MACROD2: variants seen among roughly 807,000 people sequenced by gnomAD.
The protein encoded by MACROD2 is mono-ADP ribosylhydrolase 2.
A neutral mutation model predicts 70.4 loss-of-function variants in MACROD2; 36 were observed. The observed-to-expected ratio is 0.51, with a 90% CI of 0.39 to 0.68. MACROD2 has a LOEUF of 0.68. Ranked by LOEUF, MACROD2 falls within the 30% of genes least tolerant of loss-of-function variation. MACROD2 has a pLI of 0.00. For missense variants in MACROD2, 496 were observed against 538.4 expected (o/e 0.92, Z 0.78); for synonymous variants, 172 against 178.8 (o/e 0.96, Z 0.30).
intron 3 of MACROD2, among the ~76,000 whole-genome samples, chr20:14,296,665 G>T (rs977487389): frequency 6.6e-6 from 1 of 151,936 alleles, no homozygotes; most frequent in African/African-American, 2.4e-5. Context: ...AATAATTACC[G>T]TAAAAATGGG....
At chr20:15,506,697 A>C (rs1364739796) in intron 8 of MACROD2, among the ~76,000 whole-genome samples, 7 of 152,230 alleles carry the variant, frequency 4.6e-5, no homozygotes, top group Non-Finnish European at 2.9e-5. Context: ...GCTTACATTT[A>C]TGATGGGAAA....
At chr20:15,418,470 A>T (rs912061288) in intron 6 of MACROD2, among the ~76,000 whole-genome samples, 2 of 152,130 alleles carry the variant, frequency 1.3e-5, no homozygotes, top group African/African-American at 4.8e-5. Flanking sequence ...GTTCTTTGGA[A>T]CCTCACCACT....
chr20:14,257,553 T>C (rs1009051431), intron 3 of MACROD2, among the ~76,000 whole-genome samples: 2 of 152,152 alleles, frequency 1.3e-5, no homozygotes, highest in African/African-American at 2.4e-5. Context: ...CTTTTAAACA[T>C]AATACTTATT....
intron 5 of MACROD2, among the ~76,000 whole-genome samples, chr20:15,072,600 A>G (rs1046471041): frequency 6.6e-6 from 1 of 152,130 alleles, no homozygotes; most frequent in African/African-American, 2.4e-5. Flanking sequence ...TTATTGTCCT[A>G]TTATTTCTTT....
At chr20:14,786,238 A>AGAGAGAGAGAGAGAGAGAC (rs1393037483) in intron 5 of MACROD2, among the ~76,000 whole-genome samples, 1 of 72,340 alleles carries the variant, frequency 1.4e-5, no homozygotes, top group Non-Finnish European at 3.2e-5. Context: ...GAGAGAGAGA[A>AGAGAGAGAGAGAGAGAGAC]TATGAGGGAA....
intron 7 of MACROD2, among the ~76,000 whole-genome samples, chr20:15,471,415 C>A (rs928939135): frequency 8.5e-5 from 13 of 152,208 alleles, no homozygotes; most frequent in African/African-American, 1.2e-4. Flanking sequence ...GATATGATTG[C>A]ATATATTCAA....
intron 5 of MACROD2, among the ~76,000 whole-genome samples, chr20:14,946,494 A>G (rs1210220084): frequency 1.3e-5 from 2 of 152,148 alleles, no homozygotes; most frequent in Admixed American, 1.3e-4. Flanking sequence ...AAGTAAATAT[A>G]GATATATATG....
chr20:15,658,693 G>T (rs1313914923), intron 8 of MACROD2, among the ~76,000 whole-genome samples: 4 of 152,190 alleles, frequency 2.6e-5, no homozygotes, highest in Non-Finnish European at 5.9e-5. Context: ...TACATGATCT[G>T]ATTTCCAAAG....
rs191343780 is a variant in MACROD2 at position 15,771,239 on chromosome 20, A to G, written c.646-91506A>G. On this transcript the variant is annotated intron_variant, in intron 8 of 17. Transcript: ENST00000684519. Reference sequence around the variant, plus strand: ...ACCCAGGCTGGTGTACAGTGGCACAATCATAGCTCACTGTAGCCTTTACTT... The same window carrying G: ...ACCCAGGCTGGTGTACAGTGGCACAGTCATAGCTCACTGTAGCCTTTACTT... Among the ~76,000 whole-genome samples, 34 of 152,178 alleles carry G rather than the reference A, an allele frequency of 2.2e-4. No homozygotes were observed. The East Asian group carries it at 6.4e-3, about 29-fold the overall frequency.
chr20:14,469,165 T>A (rs770425539), intron 3 of MACROD2, among the ~76,000 whole-genome samples: 17 of 152,270 alleles, frequency 1.1e-4, no homozygotes, highest in Middle Eastern at 3.4e-3. Flanking sequence ...TGTAAAGGAT[T>A]TTTTTTCTCC....
chr20:15,987,097 TGTG>T lies in MACROD2; in HGVS notation c.1094_1096del (p.Val365del), dbSNP rs1198816034. ...CATCAAACCAAGAAGATGCCGTGAT[TGTG>T]GAGCAACCAGAAGTGATTCCATTAA... On this transcript the variant is annotated inframe_deletion, in exon 15 of 18. Transcript: ENST00000684519. The T allele has an allele frequency of 1.7e-5, 27 of 1,611,838 alleles. No homozygotes were observed. The highest frequency in any genetic ancestry group is 2.2e-5 in the Non-Finnish European group (26 of 1,179,570).
At chr20:14,035,917 C>T (rs1293649276) in intron 2 of MACROD2, among the ~76,000 whole-genome samples, 4 of 152,178 alleles carry the variant, frequency 2.6e-5, no homozygotes, top group African/African-American at 4.8e-5. Context: ...CCAAGGCGGG[C>T]GGATCACGAG....
intron 5 of MACROD2, among the ~76,000 whole-genome samples, chr20:15,121,382 G>A (rs2076029090): frequency 6.6e-6 from 1 of 151,894 alleles, no homozygotes; most frequent in Non-Finnish European, 1.5e-5. Context: ...GCATGGTGAT[G>A]GATACCTGTA....
chr20:15,241,733 A>G, intron 6 of MACROD2, among the ~76,000 whole-genome samples: 1 of 151,144 alleles, frequency 6.6e-6, no homozygotes. Flanking sequence ...TTTTCAATGT[A>G]AAAAAATAGA....
chr20:15,421,578 C>A (rs2046229020), intron 6 of MACROD2, among the ~76,000 whole-genome samples: 1 of 152,078 alleles, frequency 6.6e-6, no homozygotes, highest in Admixed American at 6.5e-5. Flanking sequence ...AGACCTACTA[C>A]ATGAAAAAAG....
intron 6 of MACROD2, among the ~76,000 whole-genome samples, chr20:15,415,562 A>G (rs1306991209): frequency 2.0e-5 from 3 of 152,350 alleles, no homozygotes; most frequent in African/African-American, 2.4e-5. Flanking sequence ...TAGAGTTACA[A>G]TCTGCTATGG....
chr20:14,763,088 A>T (rs1352093354), intron 5 of MACROD2, among the ~76,000 whole-genome samples: 1 of 152,094 alleles, frequency 6.6e-6, no homozygotes, highest in Non-Finnish European at 1.5e-5. Flanking sequence ...GACCAAAGAA[A>T]GTGATCCAGG....
At chr20:15,709,496 A>C (rs2050592590) in intron 8 of MACROD2, among the ~76,000 whole-genome samples, 1 of 152,094 alleles carries the variant, frequency 6.6e-6, no homozygotes, top group East Asian at 1.9e-4. Context: ...CCCTGCCTCT[A>C]CAAAAAATAA....
rs570157559 is a variant in MACROD2, at chr20:15,148,869, G to A, written c.419-81071G>A. Among the ~76,000 whole-genome samples the A allele has an allele frequency of 2.6e-5, 4 of 152,108 alleles. No homozygotes were observed. The South Asian group carries it at 8.3e-4, about 32-fold the overall frequency. On this transcript the variant is annotated intron_variant, in intron 5 of 17. Coordinates refer to ENST00000684519, the MANE Select transcript of MACROD2 (RefSeq NM_001351661.2). ...TTCCCTGAAGACTGAGGACCGTAAG[G>A]GATGTAAAGGTTTCACTGAATACTA...
Sources: allele counts gnomAD v4.1 joint callset (sites outside exome capture counted in the v4.1 genomes callset), GRCh38; gene constraint gnomAD v4.1.1; transcripts MANE v1.5; gene names NCBI Gene and HGNC (gene_info 2026-07-23, HGNC 2026-07-21).